Variants in FOXP2 observed in about 807,000 individuals in gnomAD.
The protein encoded by FOXP2 is forkhead box protein P2.
In FOXP2, 12 loss-of-function variants were observed where a neutral mutation model predicts 115.8. That is an observed-to-expected ratio of 0.10 (90% confidence interval 0.07 to 0.17). FOXP2 has a LOEUF of 0.17. Ranked by LOEUF, FOXP2 falls within the 10% of genes least tolerant of loss-of-function variation. The probability of loss-of-function intolerance (pLI) is 1.00; values close to 1 mark genes in which losing one functional copy is unlikely to be tolerated. For missense variants in FOXP2, 629 were observed against 843.5 expected, an observed-to-expected ratio of 0.75 and a Z score of 3.15; for synonymous variants, 328 against 297.7, an observed-to-expected ratio of 1.10 and a Z score of -1.05.
At chr7:114,228,200 G>A (rs1794789562) in intron 1 of FOXP2, among the ~76,000 whole-genome samples, 1 of 151,952 alleles carries the variant, frequency 6.6e-6, no homozygotes, top group East Asian at 1.9e-4. Flanking sequence ...TTCCAAAATG[G>A]ACTAGACAAG....
chr7:114,585,466 G>A (rs966514973), intron 3 of FOXP2, among the ~76,000 whole-genome samples: 12 of 151,798 alleles, frequency 7.9e-5, no homozygotes, highest in Admixed American at 3.3e-4. Flanking sequence ...ATCTCAGTGG[G>A]GCCCCACCAC....
chr7:114,218,113 C>A (rs1023212922), intron 1 of FOXP2, among the ~76,000 whole-genome samples: 4 of 152,140 alleles, frequency 2.6e-5, no homozygotes, highest in African/African-American at 9.7e-5. Flanking sequence ...CTCTGTCCCC[C>A]ATACCTCAGA....
chr7:114,424,661 C>T (rs1793762483), intron 1 of FOXP2, among the ~76,000 whole-genome samples: 1 of 151,456 alleles, frequency 6.6e-6, no homozygotes, highest in Non-Finnish European at 1.5e-5. Context: ...TAAAATCCAT[C>T]ACTATGTATC....
chr7:114,184,516 CATT>C (rs1478081059), intron 1 of FOXP2, among the ~76,000 whole-genome samples: 1 of 152,072 alleles, frequency 6.6e-6, no homozygotes, highest in African/African-American at 2.4e-5. Context: ...AATTTTTAGT[CATT>C]ATGATTGTCA....
chr7:114,418,606 A>C lies in FOXP2; in HGVS notation c.-11+3246A>C, dbSNP rs545417385. ...AGAACAGACGTCATGAAGGCTAATT[A>C]AAGCAGAAAAGAAACAAAGCTATTG... is the stretch of plus-strand genomic sequence containing the variant. On this transcript the variant is annotated intron_variant, in intron 1 of 16. Coordinates refer to ENST00000350908, the MANE Select transcript of FOXP2 (RefSeq NM_014491.4). Among the ~76,000 whole-genome samples the C allele has an allele frequency of 3.3e-5, 5 of 152,034 alleles. No homozygotes were observed. The East Asian group carries it at 9.7e-4, about 30-fold the overall frequency.
intron 2 of FOXP2, among the ~76,000 whole-genome samples, chr7:114,506,132 A>G (rs1225162495): frequency 6.6e-6 from 1 of 151,730 alleles, no homozygotes; most frequent in Non-Finnish European, 1.5e-5. Flanking sequence ...GTGAATGAAC[A>G]AATATATTGA....
intron 1 of FOXP2, among the ~76,000 whole-genome samples, chr7:114,210,356 T>C (rs894659890): frequency 6.6e-6 from 1 of 152,172 alleles, no homozygotes; most frequent in Admixed American, 6.5e-5. Context: ...GGTCTTCTTG[T>C]TTTATGCCTG....
intron 1 of FOXP2, among the ~76,000 whole-genome samples, chr7:114,203,519 A>G (rs1794125677): frequency 6.6e-6 from 1 of 151,248 alleles, no homozygotes; most frequent in African/African-American, 2.4e-5. Flanking sequence ...CTTTTTTTCT[A>G]TTTTTGTAGA....
At chr7:114,402,326 GA>G in intron 2 of FOXP2, among the ~76,000 whole-genome samples, 1 of 152,040 alleles carries the variant, frequency 6.6e-6, no homozygotes, top group East Asian at 1.9e-4. Context: ...AATGAAAGTA[GA>G]AGGATTTAAA....
chr7:114,526,579 T>C (rs765591586), intron 2 of FOXP2, among the ~76,000 whole-genome samples: 10 of 152,166 alleles, frequency 6.6e-5, no homozygotes, highest in Non-Finnish European at 1.2e-4. Flanking sequence ...TTGTTTGCAC[T>C]CATGGCTATG....
intron 2 of FOXP2, among the ~76,000 whole-genome samples, chr7:114,487,421 G>A (rs62467873): frequency 0.019 from 2,900 of 152,192 alleles, 40 homozygotes; most frequent in Non-Finnish European, 0.03. Flanking sequence ...TGTGAAGGAG[G>A]GGCTGCTGTG....
chr7:114,108,884 A>C (rs754778527), intron 1 of FOXP2, among the ~76,000 whole-genome samples: 21 of 151,982 alleles, frequency 1.4e-4, no homozygotes, highest in Non-Finnish European at 2.4e-4. Context: ...GTTACATAGA[A>C]TGATGAACTA....
intron 1 of FOXP2, among the ~76,000 whole-genome samples, chr7:114,193,758 C>G (rs1002589679): frequency 6.6e-6 from 1 of 152,066 alleles, no homozygotes; most frequent in Admixed American, 6.6e-5. Flanking sequence ...AAAAATGACT[C>G]TACTTGTAAT....
At chr7:114,399,719 T>C (rs1792831880) in intron 2 of FOXP2, among the ~76,000 whole-genome samples, 1 of 152,026 alleles carries the variant, frequency 6.6e-6, no homozygotes, top group Non-Finnish European at 1.5e-5. Flanking sequence ...TTTTAAAAAT[T>C]CAATTAAATA....
At chr7:114,652,055 C>G (rs1215709546) in intron 8 of FOXP2, 148 bp from the exon 9 acceptor site, 1 of 725,520 alleles carries the variant, frequency 1.4e-6, no homozygotes, top group East Asian at 2.8e-5. Context: ...ACGTAAGCAG[C>G]TTTAACTTTT....
chr7:114,089,777 A>G (rs998286605), intron 1 of FOXP2, among the ~76,000 whole-genome samples: 5 of 152,048 alleles, frequency 3.3e-5, no homozygotes, highest in Non-Finnish European at 7.4e-5. Context: ...GTAATCTGTA[A>G]TGAGAAGTTA....
At position 114,646,106 on chromosome 7, in the gene FOXP2, A is replaced by T. The variant is rs1402852306; in HGVS notation, c.1094+1317A>T. On this transcript the variant is annotated intron_variant, in intron 8 of 16. Transcript: ENST00000350908. ...AATTGTTAAAGCAAAGAAAGAACAT[A>T]GGGATGTTATTTTAACAAATTATTT... Among the ~76,000 whole-genome samples the T allele has an allele frequency of 2.0e-5, 3 of 151,746 alleles. No homozygotes were observed. In the East Asian group the frequency reaches 5.8e-4, roughly 29 times the overall value.
intron 1 of FOXP2, among the ~76,000 whole-genome samples, chr7:114,155,128 A>T (rs1164299764): frequency 1.3e-5 from 2 of 152,168 alleles, no homozygotes; most frequent in Non-Finnish European, 2.9e-5. Context: ...AACTACTTGG[A>T]TGACCCTATA....
intron 2 of FOXP2, among the ~76,000 whole-genome samples, chr7:114,476,009 T>C (rs1796242129): frequency 6.6e-6 from 1 of 151,876 alleles, no homozygotes; most frequent in South Asian, 2.1e-4. Flanking sequence ...TATCTATATC[T>C]ATATCAATTC....
Sources: gnomAD v4.1 joint callset for allele counts (sites outside exome capture counted in the v4.1 genomes callset) on GRCh38, gnomAD v4.1.1 for gene constraint, MANE v1.5 for transcripts, NCBI Gene and HGNC (gene_info 2026-07-23, HGNC 2026-07-21) for gene names.